Variants in CDH13 observed in about 807,000 individuals in gnomAD.
CDH13 encodes cadherin-13.
Under a neutral mutation model 63.8 loss-of-function variants are expected in CDH13, and 24 were observed. That is an observed-to-expected ratio of 0.38 (90% CI 0.27 to 0.53). CDH13 has a LOEUF of 0.53. CDH13 is among the 20% of genes least tolerant of loss of function. CDH13 has a pLI of 0.85. For synonymous variants in CDH13, 503 were observed against 355.3 expected (o/e 1.42, Z -4.67); for missense variants, 1,049 against 903.1 (o/e 1.16, Z -2.07).
At chr16:83,299,619 T>C (rs908162865) in intron 5 of CDH13, among the ~76,000 whole-genome samples, 1 of 152,212 alleles carries the variant, frequency 6.6e-6, no homozygotes, top group Non-Finnish European at 1.5e-5. Context: ...CCTAGCTTTA[T>C]TTAGTGTTTG....
intron 1 of CDH13, among the ~76,000 whole-genome samples, chr16:82,646,910 A>G (rs1048537509): frequency 2.6e-5 from 4 of 152,206 alleles, no homozygotes; most frequent in African/African-American, 7.2e-5. Context: ...AGAGGCTGTT[A>G]TGGGTGACTA....
At chr16:83,457,078 C>T (rs953651553) in intron 6 of CDH13, among the ~76,000 whole-genome samples, 1 of 152,174 alleles carries the variant, frequency 6.6e-6, no homozygotes, top group African/African-American at 2.4e-5. Context: ...TGGGCTTCAT[C>T]TCAGAGGCGA....
chr16:83,139,960 C>A (rs921674668), intron 4 of CDH13, among the ~76,000 whole-genome samples: 1 of 152,150 alleles, frequency 6.6e-6, no homozygotes, highest in Non-Finnish European at 1.5e-5. Flanking sequence ...CAAGATCATA[C>A]CATTACACTC....
Position 83,191,825 on chromosome 16 carries a change from AC to A in CDH13, c.484-25517del, listed in dbSNP as rs369180617. 9.3e-4 allele frequency among the ~76,000 whole-genome samples: 141 copies of A among 152,000 alleles called. 1 individual carries two copies. In the South Asian group the frequency reaches 0.028, roughly 31 times the overall value. ...GCTGGCAACTGATTAGATGATGCCC[AC>A]CCAGATTAAGGGTGGGTCTGCCTTT... On this transcript the variant is annotated intron_variant, in intron 4 of 13. Coordinates refer to ENST00000567109, the MANE Select transcript of CDH13 (RefSeq NM_001257.5).
intron 2 of CDH13, among the ~76,000 whole-genome samples, chr16:82,891,075 A>G (rs2041065046): frequency 7.2e-6 from 1 of 138,618 alleles, no homozygotes. Context: ...GTTGGTCGTG[A>G]TGGTGTTATT....
intron 13 of CDH13, among the ~76,000 whole-genome samples, chr16:83,784,796 C>G (rs1051629886): frequency 6.6e-6 from 1 of 152,142 alleles, no homozygotes; most frequent in Non-Finnish European, 1.5e-5. Flanking sequence ...CCATCATCTC[C>G]ATGTCTCCTT....
intron 1 of CDH13, among the ~76,000 whole-genome samples, chr16:82,849,552 A>G (rs960331210): frequency 2.0e-5 from 3 of 152,192 alleles, no homozygotes; most frequent in African/African-American, 4.8e-5. Flanking sequence ...AAGTGCTGAT[A>G]TAGAAGCTGC....
intron 6 of CDH13, among the ~76,000 whole-genome samples, chr16:83,461,087 A>T (rs1460466885): frequency 2.6e-5 from 4 of 152,102 alleles, no homozygotes; most frequent in Non-Finnish European, 5.9e-5. Flanking sequence ...ATGGAGGAAC[A>T]CACAGGAGCT....
chr16:82,805,898 A>G (rs751528504), intron 1 of CDH13, among the ~76,000 whole-genome samples: 12 of 152,316 alleles, frequency 7.9e-5, no homozygotes, highest in Non-Finnish European at 5.9e-5. Flanking sequence ...GTCTTTTAAC[A>G]TGGTACGCAC....
At chr16:82,780,280 A>C (rs1325871130) in intron 1 of CDH13, among the ~76,000 whole-genome samples, 1 of 152,214 alleles carries the variant, frequency 6.6e-6, no homozygotes, top group Non-Finnish European at 1.5e-5. Flanking sequence ...CAAAAATTCA[A>C]GTAAGAACCT....
intron 3 of CDH13, among the ~76,000 whole-genome samples, chr16:83,053,781 C>T (rs2030634331): frequency 6.6e-6 from 1 of 151,962 alleles, no homozygotes; most frequent in African/African-American, 2.4e-5. Context: ...TATAATAATT[C>T]CAAATTAGGA....
intron 8 of CDH13, among the ~76,000 whole-genome samples, chr16:83,652,197 T>A (rs1598417025): frequency 6.6e-6 from 1 of 152,216 alleles, no homozygotes; most frequent in African/African-American, 2.4e-5. Context: ...AGAGAATGGA[T>A]TTAGAGCAGT....
intron 1 of CDH13, among the ~76,000 whole-genome samples, chr16:82,708,408 A>G (rs777055518): frequency 6.6e-5 from 10 of 152,176 alleles, no homozygotes; most frequent in Non-Finnish European, 1.2e-4. Flanking sequence ...GCAGGAGCCT[A>G]TGGAGTTCAG....
At chr16:83,329,121 C>G (rs1168904196) in intron 5 of CDH13, among the ~76,000 whole-genome samples, 1 of 152,236 alleles carries the variant, frequency 6.6e-6, no homozygotes, top group Non-Finnish European at 1.5e-5. Flanking sequence ...GATGAGTTAA[C>G]TCACAGATTC....
At chr16:83,178,780 T>C (rs1260918351) in intron 4 of CDH13, among the ~76,000 whole-genome samples, 2 of 152,180 alleles carry the variant, frequency 1.3e-5, no homozygotes, top group Non-Finnish European at 2.9e-5. Flanking sequence ...TTGTTTTTTT[T>C]CATCTTCCAC....
chr16:83,411,360 C>T (rs2092123141), intron 6 of CDH13, among the ~76,000 whole-genome samples: 3 of 152,194 alleles, frequency 2.0e-5, no homozygotes, highest in Admixed American at 2.0e-4. Flanking sequence ...CATTTACCAT[C>T]ATCCACAAGC....
intron 2 of CDH13, among the ~76,000 whole-genome samples, chr16:83,029,120 C>T (rs1270025888): frequency 6.6e-6 from 1 of 152,082 alleles, no homozygotes; most frequent in Non-Finnish European, 1.5e-5. Flanking sequence ...GTAGCACCTA[C>T]CCTTGAATGT....
At chr16:83,471,701 T>G (rs906336327) in intron 6 of CDH13, among the ~76,000 whole-genome samples, 1 of 152,196 alleles carries the variant, frequency 6.6e-6, no homozygotes, top group Non-Finnish European at 1.5e-5. Context: ...AGGCAGGATT[T>G]GATCTTGGAA....
chr16:82,945,849 T>C (rs1003272193), intron 2 of CDH13, among the ~76,000 whole-genome samples: 1 of 152,156 alleles, frequency 6.6e-6, no homozygotes, highest in African/African-American at 2.4e-5. Flanking sequence ...CAAGATAAAA[T>C]ACCTACCTAA....
Sources: gnomAD v4.1 joint callset for allele counts (sites outside exome capture counted in the v4.1 genomes callset) on GRCh38, gnomAD v4.1.1 for gene constraint, MANE v1.5 for transcripts, NCBI Gene and HGNC (gene_info 2026-07-23, HGNC 2026-07-21) for gene names.